CTNNA2: variants seen among roughly 807,000 people sequenced by gnomAD.
CTNNA2 encodes catenin alpha-2.
CTNNA2 carries 42 observed loss-of-function variants against 101.0 expected under a neutral mutation model. The observed-to-expected ratio is 0.42, with a 90% CI of 0.32 to 0.54. The LOEUF (loss-of-function observed/expected upper bound fraction) is 0.54, where lower values mean the gene tolerates loss of function less well. Among genes scored for constraint, CTNNA2 ranks in the 20% least tolerant of loss-of-function variants. The pLI is 0.14. For missense variants in CTNNA2, 871 were observed against 1,223.1 expected (o/e 0.71, Z 4.29); for synonymous variants, 450 against 456.4 (o/e 0.99, Z 0.18).
At chr2:79,708,675 TAGG>T (rs1250216977) in intron 2 of CTNNA2, among the ~76,000 whole-genome samples, 1 of 136,442 alleles carries the variant, frequency 7.3e-6, no homozygotes, top group African/African-American at 3.1e-5. Flanking sequence ...AAGGATAATT[TAGG>T]AGAACTCAAT....
intron 7 of CTNNA2, among the ~76,000 whole-genome samples, chr2:80,122,114 T>C (rs1000791553): frequency 6.6e-6 from 1 of 152,132 alleles, no homozygotes; most frequent in South Asian, 2.1e-4. Flanking sequence ...ATGGCTCACC[T>C]TTTTTTCTGT....
chr2:80,205,913 T>TA (rs1707503472), intron 7 of CTNNA2, among the ~76,000 whole-genome samples: 1 of 152,258 alleles, frequency 6.6e-6, no homozygotes, highest in African/African-American at 2.4e-5. Context: ...AAAAGTTTTT[T>TA]AAATTGATTC....
chr2:79,468,189 C>A (rs931471233), intron 4 of CTNNA2, among the ~76,000 whole-genome samples: 3 of 151,912 alleles, frequency 2.0e-5, no homozygotes, highest in African/African-American at 4.8e-5. Context: ...GGAAGATCTA[C>A]CGAGCAAATG....
intron 4 of CTNNA2, among the ~76,000 whole-genome samples, chr2:79,379,811 A>C (rs1299327841): frequency 1.3e-5 from 2 of 152,186 alleles, no homozygotes; most frequent in Non-Finnish European, 2.9e-5. Flanking sequence ...TTTTTTAATA[A>C]TTTTGCCTTT....
chr2:80,441,191 G>T (rs754555746), intron 9 of CTNNA2, among the ~76,000 whole-genome samples: 1 of 152,184 alleles, frequency 6.6e-6, no homozygotes, highest in Admixed American at 6.5e-5. Context: ...GGATATTTGT[G>T]AACTGTGTAG....
chr2:80,496,645 G>T (rs927511844), intron 9 of CTNNA2, among the ~76,000 whole-genome samples: 1 of 152,022 alleles, frequency 6.6e-6, no homozygotes, highest in Non-Finnish European at 1.5e-5. Context: ...GTGGTACAGG[G>T]TAAGCACCCG....
rs17017650 is a variant in CTNNA2, at chr2:79,707,282, C to T, written c.103-37105C>T. On this transcript the variant is annotated intron_variant, in intron 2 of 18. Coordinates refer to ENST00000402739, the MANE Select transcript of CTNNA2 (RefSeq NM_001282597.3). ...TAAACTAACATGGTACAAAGGGACC[C>T]TGACAAGGATGAATTGAGAGGCCAT... 9.4e-3 allele frequency among the ~76,000 whole-genome samples: 1,427 copies of T among 152,226 alleles called. 55 individuals are homozygous for T. The East Asian group carries it at 0.12, about 12-fold the overall frequency.
Position 79,246,596 on chromosome 2 carries a change from G to A in CTNNA2, c.-406+48520G>A, listed in dbSNP as rs375598854. 4.6e-5 allele frequency among the ~76,000 whole-genome samples: 7 copies of A among 152,300 alleles called. No individual in the cohort carries two copies. The South Asian group carries it at 1.2e-3, about 27-fold the overall frequency. On this transcript the variant is annotated intron_variant, in intron 2 of 21. Coordinates refer to the CTNNA2 transcript ENST00000466387. ...CAGGAATGAAAAGGGCAAAAGGAAT[G>A]AGACATAGGGAAGACCCAATAAACA...
intron 1 of CTNNA2, among the ~76,000 whole-genome samples, chr2:79,627,362 G>T (rs1679387009): frequency 6.6e-6 from 1 of 152,212 alleles, no homozygotes; most frequent in East Asian, 1.9e-4. Flanking sequence ...CCATGGAGGG[G>T]TTGGCATCCA....
intron 7 of CTNNA2, among the ~76,000 whole-genome samples, chr2:80,143,261 C>T (rs930167399): frequency 6.6e-6 from 1 of 152,144 alleles, no homozygotes; most frequent in African/African-American, 2.4e-5. Flanking sequence ...TCCTGAAGGA[C>T]ATCAGAATGA....
intron 9 of CTNNA2, among the ~76,000 whole-genome samples, chr2:80,495,891 G>A (rs2149524587): frequency 7.8e-6 from 1 of 127,836 alleles, no homozygotes; most frequent in Admixed American, 1.0e-4. Flanking sequence ...AGTGAGCCGA[G>A]ATTATGCCAC....
intron 14 of CTNNA2, among the ~76,000 whole-genome samples, chr2:80,584,266 C>A (rs1383356411): frequency 6.6e-6 from 1 of 152,054 alleles, no homozygotes; most frequent in African/African-American, 2.4e-5. Flanking sequence ...GTCTCCCTTT[C>A]TAAAAATGGT....
intron 4 of CTNNA2, among the ~76,000 whole-genome samples, chr2:79,868,378 T>C (rs1213754220): frequency 6.6e-6 from 1 of 152,208 alleles, no homozygotes; most frequent in Non-Finnish European, 1.5e-5. Flanking sequence ...CTTTCCTTAC[T>C]AAAATGAGTT....
chr2:79,993,350 AT>A (rs1425475341), intron 7 of CTNNA2, among the ~76,000 whole-genome samples: 1 of 151,964 alleles, frequency 6.6e-6, no homozygotes. Context: ...CTCCCTCTCC[AT>A]TTTTTGGGCT....
chr2:79,555,868 ATTG>A (rs1199769483), intron 1 of CTNNA2, among the ~76,000 whole-genome samples: 3 of 152,232 alleles, frequency 2.0e-5, no homozygotes, highest in Non-Finnish European at 2.9e-5. Context: ...AAATGTAAAT[ATTG>A]TTGTTGACAG....
chr2:79,464,329 C>T (rs1670909868), intron 4 of CTNNA2, among the ~76,000 whole-genome samples: 1 of 152,218 alleles, frequency 6.6e-6, no homozygotes, highest in Non-Finnish European at 1.5e-5. Flanking sequence ...TTCTTTGTGG[C>T]TGCATAGTAT....
At chr2:80,625,371 TG>T (rs1671576391) in intron 18 of CTNNA2, among the ~76,000 whole-genome samples, 2 of 151,964 alleles carry the variant, frequency 1.3e-5, no homozygotes, top group Non-Finnish European at 2.9e-5. Flanking sequence ...TTTTTTCAAT[TG>T]TGCTCTGGAG....
At position 80,574,198 on chromosome 2, in the gene CTNNA2, A is replaced by T; in HGVS notation, c.1777A>T (p.Ile593Phe). ...PRFAEQVEVA[I>F]EALSANVPQP... The stretch of plus-strand genomic sequence containing the variant: ...CTTCGCTGAACAAGTAGAGGTTGCC[A>T]TTGAAGCCCTGAGTGCCAACGTTCC... The change falls in exon 13 of 19, where the codon ATT becomes TTT. Residue 593 changes from isoleucine to phenylalanine, a missense_variant. Transcript: ENST00000402739. 6.2e-7 allele frequency: 1 copy of T among 1,613,558 alleles called. No homozygotes were observed. Among genetic ancestry groups the T allele is most frequent in the Non-Finnish European group, 8.5e-7 (1 of 1,179,686 alleles).
At chr2:79,386,693 A>C (rs1678109030) in intron 4 of CTNNA2, among the ~76,000 whole-genome samples, 1 of 152,244 alleles carries the variant, frequency 6.6e-6, no homozygotes, top group South Asian at 2.1e-4. Context: ...TCTCAAGATA[A>C]GAAATGCTTC....
Sources: gnomAD v4.1 joint callset for allele counts (sites outside exome capture counted in the v4.1 genomes callset) on GRCh38, gnomAD v4.1.1 for gene constraint, MANE v1.5 for transcripts, NCBI Gene and HGNC (gene_info 2026-07-23, HGNC 2026-07-21) for gene names.